The following USP44 variants were observed in gnomAD, a reference collection of about 807,000 sequenced individuals.
USP44 encodes the protein ubiquitin carboxyl-terminal hydrolase 44.
In USP44, 61 loss-of-function variants were observed where a neutral mutation model predicts 69.0. The ratio of observed to expected loss-of-function variants is 0.88; its 90% confidence interval spans 0.72 to 1.09. The LOEUF is 1.09. Among genes scored for constraint, USP44 ranks in the 50% least tolerant of loss-of-function variants. USP44 has a pLI of 0.00. For missense variants in USP44, 753 were observed against 849.9 expected (o/e 0.89, Z 1.42); for synonymous variants, 297 against 295.4 (o/e 1.01, Z -0.06).
In USP44 at chr12:95,533,001, T is replaced by C. The variant is rs2077070454; in HGVS notation, c.1256A>G (p.Tyr419Cys). Residue 419 changes from tyrosine to cysteine, a missense_variant, in exon 2 of 6, where the codon TAC becomes TGC. Coordinates refer to ENST00000258499, the MANE Select transcript of USP44 (RefSeq NM_032147.5). Reference sequence around the variant, plus strand: ...AAATTCCTGAGCGTCTTGTTGGGCGTAACCACGAAAGGCAGGAATGAGTCT... The same window carrying C: ...AAATTCCTGAGCGTCTTGTTGGGCGCAACCACGAAAGGCAGGAATGAGTCT... ...VWRLIPAFRG[Y>C]AQQDAQEFLC... The C allele has an allele frequency of 6.2e-7, 1 of 1,614,210 alleles. No homozygotes were observed. The highest frequency in any genetic ancestry group is 1.1e-5 in the South Asian group (1 of 91,068).
At chr12:95,536,838 A>C (rs530993453) in intron 1 of USP44, among the ~76,000 whole-genome samples, 24 of 152,316 alleles carry the variant, frequency 1.6e-4, no homozygotes, top group African/African-American at 5.5e-4. Flanking sequence ...ATGTGTAGTC[A>C]GCAAGGCCAA....
intron 3 of USP44, among the ~76,000 whole-genome samples, chr12:95,526,571 C>T (rs1565810341): frequency 6.6e-6 from 1 of 151,214 alleles, no homozygotes; most frequent in African/African-American, 2.4e-5. Context: ...GATTCTGTCT[C>T]AAAAAAACAA....
Position 95,517,386 on chromosome 12 carries a change from C to G in USP44, c.*768G>C, listed in dbSNP as rs878929319. 1.3e-5 allele frequency: 2 copies of G among 152,090 alleles called. No homozygotes were observed. The highest frequency in any genetic ancestry group is 4.1e-4 in the South Asian group (2 of 4,824). 9.4% of individuals were successfully genotyped at this position (152,090 alleles called of 1,614,324 possible). A position where few individuals can be genotyped will look rare whatever the true frequency, so the allele number is the denominator to read the frequency against. ...CCAAGGTAAACTATTTGAATAACAT[C>G]ATACACTGGTTTACTAAATTCAGAC... On this transcript the variant is annotated 3_prime_UTR_variant, in exon 6 of 6. Coordinates refer to ENST00000258499, the MANE Select transcript of USP44 (RefSeq NM_032147.5).
chr12:95,529,416 C>T (rs2076951380), intron 2 of USP44, among the ~76,000 whole-genome samples: 1 of 151,282 alleles, frequency 6.6e-6, no homozygotes, highest in African/African-American at 2.4e-5. Context: ...AGGTTCCTCA[C>T]TGTTTCTTTC....
At chr12:95,543,419 A>G (rs895014843) in intron 1 of USP44, among the ~76,000 whole-genome samples, 156 of 150,496 alleles carry the variant, frequency 1.0e-3, no homozygotes, top group African/African-American at 3.6e-3. Flanking sequence ...AAAAAAAAAA[A>G]AAAAAAAAAG....
At chr12:95,545,807 C>G (rs2077550854) in intron 1 of USP44, among the ~76,000 whole-genome samples, 1 of 152,180 alleles carries the variant, frequency 6.6e-6, no homozygotes, top group East Asian at 1.9e-4. Context: ...CCATTATGTG[C>G]TTTGGCACCT....
Position 95,534,317 on chromosome 12 carries a change from C to A in USP44, c.-61G>T. ...AAGTCTCTGTTCACAACACTTGAAG[C>A]ATCTGAAAACTAAACAGAACAATGT... On this transcript the variant is annotated 5_prime_UTR_variant, in exon 2 of 6. An upstream start codon of the reference 5' UTR is lost. Transcript: ENST00000258499. 1 of 1,429,692 alleles carries A rather than the reference C, an allele frequency of 7.0e-7. No homozygotes were observed. The highest frequency in any genetic ancestry group is 2.1e-5 in the Admixed American group (1 of 48,004). The allele number at this position is 1,429,692 out of a possible 1,614,324, so 88.6% of individuals were successfully genotyped here. A position where few individuals can be genotyped will look rare whatever the true frequency, so the allele number is the denominator to read the frequency against.
At chr12:95,545,212 A>G (rs2077531736) in intron 1 of USP44, among the ~76,000 whole-genome samples, 1 of 152,194 alleles carries the variant, frequency 6.6e-6, no homozygotes, top group East Asian at 1.9e-4. Flanking sequence ...TATTAAAGAA[A>G]GAAGAAATAT....
At position 95,524,848 on chromosome 12, in the gene USP44, AGTG is replaced by A. The variant is rs2076785009; in HGVS notation, c.1625-63_1625-61del. 9.7e-5 allele frequency: 138 copies of A among 1,427,626 alleles called. No homozygotes were observed. The South Asian group carries it at 1.7e-3, about 17-fold the overall frequency. 88.4% of individuals were successfully genotyped at this position (1,427,626 alleles called of 1,614,324 possible). On this transcript the variant is annotated intron_variant, in intron 3 of 5. Coordinates refer to ENST00000258499, the MANE Select transcript of USP44 (RefSeq NM_032147.5). ...CATTTAAAGATTCAGGGAAAAGCTG[AGTG>A]AACCTTCTTTTTAATTAAGTCAGAA...
At chr12:95,530,878 G>A (rs978381639) in intron 2 of USP44, among the ~76,000 whole-genome samples, 15 of 151,774 alleles carry the variant, frequency 9.9e-5, no homozygotes, top group African/African-American at 3.1e-4. Flanking sequence ...ATAAACATAC[G>A]ATGTGGCCAG....
Position 95,517,997 on chromosome 12 carries a change from A to C in USP44, c.*157T>G. ...AAAAGTAGTTACCTTCAGTTGATAT[A>C]TACATTTATACTTTGTAAAAAAAAA... On this transcript the variant is annotated 3_prime_UTR_variant, in exon 6 of 6. Transcript: ENST00000258499. The C allele has an allele frequency of 1.5e-6, 1 of 680,088 alleles. No homozygotes were observed. The highest frequency in any genetic ancestry group is 2.3e-6 in the Non-Finnish European group (1 of 439,744). The allele number at this position is 680,088 out of a possible 1,614,324, so 42.1% of individuals were successfully genotyped here.
intron 4 of USP44, among the ~76,000 whole-genome samples, chr12:95,523,791 C>G (rs2076744235): frequency 6.6e-6 from 1 of 151,168 alleles, no homozygotes; most frequent in African/African-American, 2.4e-5. Flanking sequence ...GGGAAAGGAA[C>G]AAGATTGACA....
chr12:95,526,308 C>T (rs770438394), intron 3 of USP44, among the ~76,000 whole-genome samples: 50 of 152,182 alleles, frequency 3.3e-4, no homozygotes, highest in African/African-American at 1.2e-3. Flanking sequence ...CGCGGTGGCT[C>T]GCGCCTGTAA....
chr12:95,533,812 C>A lies in USP44; in HGVS notation c.445G>T (p.Ala149Ser). Reference protein sequence around the residue: ...LLQSEDQLYTALWHRRRILMG... With the variant: ...LLQSEDQLYTSLWHRRRILMG... ...AGTATCCTTCTCCTGTGCCAAAGAG[C>A]AGTATACAGTTGATCTTCACTTTGA... is the stretch of plus-strand genomic sequence containing the variant. The change falls in exon 2 of 6, where the codon GCT (alanine) becomes TCT (serine). Residue 149 changes from alanine (A) to serine (S), a missense_variant. By Grantham distance (99) the Ala-to-Ser change is moderately conservative. Transcript: ENST00000258499. 1.2e-6 allele frequency: 2 copies of A among 1,614,152 alleles called. No individual in the cohort carries two copies. The highest frequency in any genetic ancestry group is 1.7e-6 in the Non-Finnish European group (2 of 1,180,044).
At chr12:95,521,938 G>A in intron 4 of USP44, 2 of 678,720 alleles carry the variant, frequency 2.9e-6, no homozygotes, top group Non-Finnish European at 3.6e-6. Context: ...GAGATTTTCA[G>A]ACTAAAACAA....
chr12:95,523,790 A>G (rs112185200), intron 4 of USP44, among the ~76,000 whole-genome samples: 9 of 152,060 alleles, frequency 5.9e-5, no homozygotes, highest in African/African-American at 2.2e-4. Context: ...GGGGAAAGGA[A>G]CAAGATTGAC....
rs553235128 is a variant in USP44, at chr12:95,537,377, G to C, written c.-70-3051C>G. ...TCTGTCGCCCAGGCTGGAGTGCAGG[G>C]GTGCTATCTTAGCTCACTGCAACCT... On this transcript the variant is annotated intron_variant, in intron 1 of 5. Coordinates refer to ENST00000258499, the MANE Select transcript of USP44 (RefSeq NM_032147.5). 8.5e-5 allele frequency among the ~76,000 whole-genome samples: 13 copies of C among 152,122 alleles called. No individual in the cohort carries two copies. The East Asian group carries it at 2.5e-3, about 29-fold the overall frequency.
intron 1 of USP44, among the ~76,000 whole-genome samples, chr12:95,541,907 T>A (rs1487422240): frequency 7.2e-6 from 1 of 138,768 alleles, no homozygotes; most frequent in East Asian, 2.1e-4. Flanking sequence ...TGAGACAGGG[T>A]CTTGCTCTGT....
chr12:95,528,352 T>C (rs1360475947), intron 3 of USP44, among the ~76,000 whole-genome samples: 2 of 152,240 alleles, frequency 1.3e-5, no homozygotes, highest in Non-Finnish European at 2.9e-5. Flanking sequence ...AATCTTTGTT[T>C]TGATGAAGCC....
Sources: gnomAD v4.1 joint callset for allele counts (sites outside exome capture counted in the v4.1 genomes callset) on GRCh38, gnomAD v4.1.1 for gene constraint, MANE v1.5 for transcripts, NCBI Gene and HGNC (gene_info 2026-07-23, HGNC 2026-07-21) for gene names.